The following CNTNAP5 variants were observed in gnomAD, a reference collection of about 807,000 sequenced individuals.
CNTNAP5 encodes contactin-associated protein-like 5.
Under a neutral mutation model 150.2 loss-of-function variants are expected in CNTNAP5, and 72 were observed. The observed-to-expected ratio is 0.48, with a 90% CI of 0.40 to 0.58. The LOEUF (loss-of-function observed/expected upper bound fraction) is 0.58, where lower values mean the gene tolerates loss of function less well. CNTNAP5 is among the 20% of genes least tolerant of loss of function. The pLI is 0.00. For missense variants in CNTNAP5, 1,636 were observed against 1,626.2 expected (o/e 1.01, Z -0.10); for synonymous variants, 672 against 619.8 (o/e 1.08, Z -1.25).
chr2:124,739,120 G>GGTAC (rs1369394075), intron 13 of CNTNAP5, among the ~76,000 whole-genome samples: 1 of 151,986 alleles, frequency 6.6e-6, no homozygotes, highest in East Asian at 1.9e-4. Context: ...TTTGAGAGGC[G>GGTAC]GTACCATTAA....
intron 3 of CNTNAP5, among the ~76,000 whole-genome samples, chr2:124,414,209 G>C (rs1691858339): frequency 6.6e-6 from 1 of 150,444 alleles, no homozygotes; most frequent in Non-Finnish European, 1.5e-5. Context: ...TGAATAGGTT[G>C]GTGGCTTTAA....
At chr2:124,286,983 C>T (rs1161516485) in intron 3 of CNTNAP5, among the ~76,000 whole-genome samples, 1 of 152,122 alleles carries the variant, frequency 6.6e-6, no homozygotes, top group African/African-American at 2.4e-5. Context: ...CCCAAGTCTC[C>T]AGGCCAGCCA....
chr2:124,765,308 T>A (rs942833013), intron 16 of CNTNAP5, among the ~76,000 whole-genome samples: 4 of 152,132 alleles, frequency 2.6e-5, no homozygotes, highest in African/African-American at 9.6e-5. Flanking sequence ...ACCATATTCC[T>A]AAGAATTTGA....
intron 1 of CNTNAP5, among the ~76,000 whole-genome samples, chr2:124,060,310 T>C (rs543897846): frequency 6.6e-6 from 1 of 152,364 alleles, no homozygotes; most frequent in African/African-American, 2.4e-5. Context: ...TTTGTTTTAC[T>C]GCACAGGCTT....
Position 124,917,769 on chromosome 2 carries a change from T to C in CNTNAP5, c.*3481T>C, listed in dbSNP as rs549613855. Among the ~76,000 whole-genome samples, 1 of 152,182 alleles carries C rather than the reference T, an allele frequency of 6.6e-6. No homozygotes were observed. Reference sequence around the variant, plus strand: ...GTGAACATATATAAATTACACCTTGTTTTTGCCCTTGGGGAGCTCAAAGTC... The same window carrying C: ...GTGAACATATATAAATTACACCTTGCTTTTGCCCTTGGGGAGCTCAAAGTC... On this transcript the variant is annotated 3_prime_UTR_variant, in exon 24 of 24. Coordinates refer to ENST00000682447, the MANE Select transcript of CNTNAP5 (RefSeq NM_001367498.1).
chr2:124,255,774 T>A (rs1261136348), intron 3 of CNTNAP5, among the ~76,000 whole-genome samples: 1 of 152,032 alleles, frequency 6.6e-6, no homozygotes, highest in Admixed American at 6.6e-5. Flanking sequence ...CCTGGCTGTG[T>A]CCCTTATTAT....
In CNTNAP5 at chr2:124,519,201, A is replaced by T. The variant is rs977219020; in HGVS notation, c.1328-5102A>T. 2.6e-5 allele frequency among the ~76,000 whole-genome samples: 4 copies of T among 151,920 alleles called. No homozygotes were observed. The South Asian group carries it at 8.3e-4, about 32-fold the overall frequency. On this transcript the variant is annotated intron_variant, in intron 8 of 23. Transcript: ENST00000682447. ...GGGCTGGAGGTGCAGGGATAAGGGG[A>T]TTGGGAGACAGTATATCAAGGTTAC...
chr2:124,604,432 T>C (rs1697056823), intron 11 of CNTNAP5, among the ~76,000 whole-genome samples: 1 of 152,216 alleles, frequency 6.6e-6, no homozygotes, highest in East Asian at 1.9e-4. Context: ...TGTTTAAATC[T>C]ATACATTCAT....
At chr2:124,672,276 TTA>T (rs1162775922) in intron 13 of CNTNAP5, among the ~76,000 whole-genome samples, 1 of 152,162 alleles carries the variant, frequency 6.6e-6, no homozygotes, top group Non-Finnish European at 1.5e-5. Context: ...TTTACTTTAA[TTA>T]TGTCTTTGAA....
intron 1 of CNTNAP5, among the ~76,000 whole-genome samples, chr2:124,193,646 C>T (rs1354006789): frequency 2.0e-5 from 3 of 152,304 alleles, no homozygotes; most frequent in Non-Finnish European, 4.4e-5. Flanking sequence ...AAACCACTAA[C>T]GTTTCACTTG....
chr2:124,810,051 A>T (rs1029741421), intron 19 of CNTNAP5, among the ~76,000 whole-genome samples: 1 of 152,212 alleles, frequency 6.6e-6, no homozygotes, highest in African/African-American at 2.4e-5. Context: ...TGCGAACTGG[A>T]ATCCTATGTT....
At chr2:124,717,378 T>C (rs889784651) in intron 13 of CNTNAP5, among the ~76,000 whole-genome samples, 1 of 152,154 alleles carries the variant, frequency 6.6e-6, no homozygotes, top group Non-Finnish European at 1.5e-5. Context: ...TGTTGCACTT[T>C]AGTGCATATA....
chr2:124,171,710 G>C (rs958432514), intron 1 of CNTNAP5, among the ~76,000 whole-genome samples: 2 of 152,144 alleles, frequency 1.3e-5, no homozygotes, highest in African/African-American at 2.4e-5. Context: ...TTCAGTAAAG[G>C]CCAAGCTTTT....
At chr2:124,142,497 G>T (rs1454480819) in intron 1 of CNTNAP5, among the ~76,000 whole-genome samples, 1 of 146,336 alleles carries the variant, frequency 6.8e-6, no homozygotes, top group African/African-American at 2.5e-5. Flanking sequence ...ACTCAAAGCC[G>T]CTCAACTACA....
rs556644903 is a variant in CNTNAP5, at chr2:124,346,376, G to A, written c.382-71067G>A. Among the ~76,000 whole-genome samples, 4 of 152,246 alleles carry A rather than the reference G, an allele frequency of 2.6e-5. No homozygotes were observed. The South Asian group carries it at 8.3e-4, about 32-fold the overall frequency. ...ACTATAGATAGAGATTTAGTCTGAAGAAAAGCAAGATAGATAAAGTAAAAT... is the reference window on the plus strand; with the variant it reads ...ACTATAGATAGAGATTTAGTCTGAAAAAAAGCAAGATAGATAAAGTAAAAT... On this transcript the variant is annotated intron_variant, in intron 3 of 23. Transcript: ENST00000682447.
At chr2:124,568,858 A>G (rs1017022849) in intron 11 of CNTNAP5, among the ~76,000 whole-genome samples, 11 of 152,260 alleles carry the variant, frequency 7.2e-5, no homozygotes, top group African/African-American at 2.4e-4. Flanking sequence ...ATCCTGGCTA[A>G]CACGGTGAAA....
intron 19 of CNTNAP5, among the ~76,000 whole-genome samples, chr2:124,863,716 G>C (rs940080256): frequency 2.6e-5 from 4 of 152,184 alleles, no homozygotes; most frequent in Non-Finnish European, 5.9e-5. Flanking sequence ...CTGGGGATCA[G>C]TCAGGGACAC....
At chr2:124,552,561 G>A (rs1207235056) in intron 10 of CNTNAP5, among the ~76,000 whole-genome samples, 1 of 152,076 alleles carries the variant, frequency 6.6e-6, no homozygotes, top group East Asian at 1.9e-4. Context: ...TCCATCAGCT[G>A]CATGAATGTC....
At chr2:124,348,065 A>C (rs780000) in intron 3 of CNTNAP5, among the ~76,000 whole-genome samples, 111,113 of 151,880 alleles carry the variant, frequency 0.73, 41,606 homozygotes, top group African/African-American at 0.88. Flanking sequence ...CTCCTGACCT[A>C]GTGAGCCGCC....
Sources: allele counts gnomAD v4.1 joint callset (sites outside exome capture counted in the v4.1 genomes callset), GRCh38; gene constraint gnomAD v4.1.1; transcripts MANE v1.5; gene names NCBI Gene and HGNC (gene_info 2026-07-23, HGNC 2026-07-21).